CDKAL1: variants seen among roughly 807,000 people sequenced by gnomAD.
CDKAL1 encodes the protein threonylcarbamoyladenosine tRNA methylthiotransferase.
Under a neutral mutation model 68.2 loss-of-function variants are expected in CDKAL1, and 32 were observed. That is an observed-to-expected ratio of 0.47 (90% CI 0.35 to 0.63). CDKAL1 has a LOEUF of 0.63. Among genes scored for constraint, CDKAL1 ranks in the 30% least tolerant of loss-of-function variants. The pLI, the probability that CDKAL1 is intolerant of heterozygous loss-of-function variation, is 0.00. For synonymous variants in CDKAL1, 234 were observed against 244.3 expected, an observed-to-expected ratio of 0.96 and a Z score of 0.39; for missense variants, 606 against 696.7, an observed-to-expected ratio of 0.87 and a Z score of 1.47.
At chr6:20,731,280 G>A (rs1772913137) in intron 5 of CDKAL1, among the ~76,000 whole-genome samples, 1 of 152,220 alleles carries the variant, frequency 6.6e-6, no homozygotes. Flanking sequence ...GACCACTGCT[G>A]TGTTGAGACC....
At chr6:21,052,741 C>T (rs1770613271) in intron 11 of CDKAL1, among the ~76,000 whole-genome samples, 9 of 151,926 alleles carry the variant, frequency 5.9e-5, no homozygotes, top group Admixed American at 5.9e-4. Context: ...TGGCCGGGTG[C>T]AGTTGGCTCA....
At chr6:20,946,155 AG>A (rs2150707787) in intron 9 of CDKAL1, among the ~76,000 whole-genome samples, 1 of 152,236 alleles carries the variant, frequency 6.6e-6, no homozygotes, top group East Asian at 1.9e-4. Flanking sequence ...CTGCCCTGTG[AG>A]CTTGAGCCCC....
chr6:20,895,630 G>A lies in CDKAL1; in HGVS notation c.742+49452G>A, dbSNP rs577506726. On this transcript the variant is annotated intron_variant, in intron 9 of 15. Coordinates refer to ENST00000274695, the MANE Select transcript of CDKAL1 (RefSeq NM_017774.3). Reference sequence around the variant, plus strand: ...ATCATCATCATGTTGATGATTTCCAGAGGAGATTTCAAGATTTGCAAGTAA... The same window carrying A: ...ATCATCATCATGTTGATGATTTCCAAAGGAGATTTCAAGATTTGCAAGTAA... Among the ~76,000 whole-genome samples, 4 of 152,306 alleles carry A rather than the reference G, an allele frequency of 2.6e-5. No individual in the cohort carries two copies. The South Asian group carries it at 8.3e-4, about 32-fold the overall frequency.
chr6:21,101,645 T>G (rs1773579850), intron 12 of CDKAL1, among the ~76,000 whole-genome samples: 1 of 152,174 alleles, frequency 6.6e-6, no homozygotes, highest in African/African-American at 2.4e-5. Flanking sequence ...TGTAACTTCC[T>G]TCTTAATTTC....
chr6:20,637,036 CA>C (rs58986368), intron 4 of CDKAL1, among the ~76,000 whole-genome samples: 73,150 of 113,088 alleles, frequency 0.65, 21,022 homozygotes, highest in East Asian at 0.78. Context: ...GACTCCGTCT[CA>C]AAAAAAAAAA....
intron 5 of CDKAL1, among the ~76,000 whole-genome samples, chr6:20,667,065 A>G (rs1769582501): frequency 6.6e-6 from 1 of 152,194 alleles, no homozygotes; most frequent in Non-Finnish European, 1.5e-5. Context: ...GGCAGCAAAT[A>G]TCCATTGCAT....
chr6:20,596,096 A>C (rs1201270024), intron 4 of CDKAL1, among the ~76,000 whole-genome samples: 1 of 152,172 alleles, frequency 6.6e-6, no homozygotes, highest in Non-Finnish European at 1.5e-5. Flanking sequence ...GGTGTCTGTC[A>C]ACCCCTTCTG....
intron 5 of CDKAL1, among the ~76,000 whole-genome samples, chr6:20,706,772 A>G (rs1359477267): frequency 6.6e-6 from 1 of 152,180 alleles, no homozygotes; most frequent in African/African-American, 2.4e-5. Flanking sequence ...TAATTGTATT[A>G]CTTGTATAAA....
intron 12 of CDKAL1, among the ~76,000 whole-genome samples, chr6:21,101,096 G>T (rs77732576): frequency 1.3e-5 from 2 of 152,290 alleles, no homozygotes; most frequent in Non-Finnish European, 2.9e-5. Context: ...TTATGGAAAG[G>T]AAGAGGTCAA....
chr6:21,083,183 A>G (rs190143606), intron 12 of CDKAL1, among the ~76,000 whole-genome samples: 7 of 152,258 alleles, frequency 4.6e-5, no homozygotes, highest in East Asian at 3.9e-4. Context: ...TGTTTCATAT[A>G]TACCTTATAC....
intron 7 of CDKAL1, among the ~76,000 whole-genome samples, chr6:20,770,438 T>A (rs1236775372): frequency 6.6e-6 from 1 of 152,242 alleles, no homozygotes; most frequent in Non-Finnish European, 1.5e-5. Context: ...CGATGTTTTT[T>A]AAGGATATGT....
intron 13 of CDKAL1, among the ~76,000 whole-genome samples, chr6:21,177,795 A>G (rs1582364059): frequency 6.6e-6 from 1 of 152,304 alleles, no homozygotes; most frequent in East Asian, 1.9e-4. Flanking sequence ...TTCCAAAAAG[A>G]TAATGAGAGC....
intron 13 of CDKAL1, among the ~76,000 whole-genome samples, chr6:21,150,145 A>C (rs1392391428): frequency 6.6e-6 from 1 of 152,164 alleles, no homozygotes; most frequent in Non-Finnish European, 1.5e-5. Flanking sequence ...GGCGGGAGCC[A>C]CCGCACCTGG....
At chr6:20,872,784 A>C (rs1367516187) in intron 9 of CDKAL1, among the ~76,000 whole-genome samples, 1 of 152,234 alleles carries the variant, frequency 6.6e-6, no homozygotes, top group Admixed American at 6.5e-5. Context: ...AAGGACTGTT[A>C]AAATGTTCCA....
chr6:20,816,241 A>G (rs1777042967), intron 8 of CDKAL1, among the ~76,000 whole-genome samples: 1 of 152,050 alleles, frequency 6.6e-6, no homozygotes, highest in South Asian at 2.1e-4. Context: ...AAATAAAGTC[A>G]CATTCACAGA....
chr6:20,826,512 T>C (rs150104893), intron 8 of CDKAL1, among the ~76,000 whole-genome samples: 2 of 152,280 alleles, frequency 1.3e-5, no homozygotes, highest in African/African-American at 2.4e-5. Flanking sequence ...TATTTTTAAA[T>C]GGCACACGAG....
Position 20,577,882 on chromosome 6 carries a change from A to G in CDKAL1, c.286+29177A>G, listed in dbSNP as rs112792683. 3.9e-3 allele frequency among the ~76,000 whole-genome samples: 595 copies of G among 152,336 alleles called. 3 individuals carry two copies. Among genetic ancestry groups the G allele is most frequent in the African/African-American group, 0.013 (561 of 41,568 alleles). On this transcript the variant is annotated intron_variant, in intron 4 of 15. Coordinates refer to ENST00000274695, the MANE Select transcript of CDKAL1 (RefSeq NM_017774.3). ...ATTAGTATCATGGTATAAGCAGACT[A>G]CAGTCTAGGGAAGATGAGTGGAAGA... is the stretch of plus-strand genomic sequence containing the variant.
chr6:20,725,863 T>C (rs1772629526), intron 5 of CDKAL1, among the ~76,000 whole-genome samples: 1 of 151,840 alleles, frequency 6.6e-6, no homozygotes, highest in Non-Finnish European at 1.5e-5. Flanking sequence ...CAAATTCTTA[T>C]CTAAGGGATC....
intron 10 of CDKAL1, among the ~76,000 whole-genome samples, chr6:20,991,968 C>T (rs1766835957): frequency 6.7e-6 from 1 of 148,712 alleles, no homozygotes; most frequent in Non-Finnish European, 1.5e-5. Flanking sequence ...ACATTCTCTT[C>T]ATTTTAAGAG....
Sources: allele counts gnomAD v4.1 joint callset (sites outside exome capture counted in the v4.1 genomes callset), GRCh38; gene constraint gnomAD v4.1.1; transcripts MANE v1.5; gene names NCBI Gene and HGNC (gene_info 2026-07-23, HGNC 2026-07-21).